The following MAP3K7 variants were observed in gnomAD, a reference collection of about 807,000 sequenced individuals.
The protein encoded by MAP3K7 is TGF-beta activated kinase 1.
In MAP3K7, 21 loss-of-function variants were observed where a neutral mutation model predicts 84.8. The ratio of observed to expected loss-of-function variants is 0.25; its 90% confidence interval spans 0.18 to 0.36. The LOEUF (loss-of-function observed/expected upper bound fraction) is 0.36, where lower values mean the gene tolerates loss of function less well. Ranked by LOEUF, MAP3K7 falls within the 10% of genes least tolerant of loss-of-function variation. MAP3K7 has a pLI of 1.00. For synonymous variants in MAP3K7, 241 were observed against 247.7 expected (o/e 0.97, Z 0.25); for missense variants, 503 against 747.7 (o/e 0.67, Z 3.82).
intron 1 of MAP3K7, among the ~76,000 whole-genome samples, chr6:90,577,386 G>A (rs967814293): frequency 2.4e-4 from 36 of 152,334 alleles, no homozygotes; most frequent in African/African-American, 7.7e-4. Context: ...AGGTAGAAAC[G>A]TGAGTGAGAG....
intron 6 of MAP3K7, among the ~76,000 whole-genome samples, chr6:90,556,182 T>C (rs1776333998): frequency 6.6e-6 from 1 of 152,280 alleles, no homozygotes; most frequent in Non-Finnish European, 1.5e-5. Context: ...ATGAAAGCAC[T>C]GTCTGCAAAT....
At chr6:90,571,229 TCAATC>T (rs1776890855) in intron 2 of MAP3K7, among the ~76,000 whole-genome samples, 1 of 152,152 alleles carries the variant, frequency 6.6e-6, no homozygotes, top group Non-Finnish European at 1.5e-5. Flanking sequence ...CTTTCATCAT[TCAATC>T]TAATCTATTT....
At chr6:90,518,278 G>A (rs1775035737) in intron 16 of MAP3K7, among the ~76,000 whole-genome samples, 169 bp downstream of exon 16, 1 of 151,662 alleles carries the variant, frequency 6.6e-6, no homozygotes, top group Non-Finnish European at 1.5e-5. Flanking sequence ...ATAGTCAAAA[G>A]GATTGAGTTT....
rs972314569 is a variant in MAP3K7, at chr6:90,556,442, T to C, written c.607+58A>G. The C allele has an allele frequency of 1.9e-6, 3 of 1,559,418 alleles. No homozygotes were observed. In the Admixed American group the frequency reaches 5.9e-5, roughly 31 times the overall value. ...GAAATGGGGAAAATCTATAAAAACA[T>C]ATGAATTCACAAGGAGTGAGGGAGA... is the stretch of plus-strand genomic sequence containing the variant. On this transcript the variant is annotated intron_variant, in intron 6 of 16. Transcript: ENST00000369329.
intron 13 of MAP3K7, among the ~76,000 whole-genome samples, chr6:90,530,226 A>C (rs1775464112): frequency 6.6e-6 from 1 of 152,222 alleles, no homozygotes; most frequent in Non-Finnish European, 1.5e-5. Context: ...CATTTTAAAA[A>C]GAGAAACACA....
rs1398765066 is a variant in MAP3K7, at chr6:90,544,570, G to A, written c.1273C>T (p.Pro425Ser). ...ATGATACCTGATATGACGATCTCAGGGACATCCAGAATGTTGCCAAATGAA... is the reference window on the plus strand; with the variant it reads ...ATGATACCTGATATGACGATCTCAGAGACATCCAGAATGTTGCCAAATGAA... ...TASFGNILDV[P>S]EIVISGNGQP... Residue 425 changes from proline (P) to serine (S), a missense_variant, in exon 12 of 17, where the codon CCT becomes TCT. Coordinates refer to ENST00000369329, the MANE Select transcript of MAP3K7 (RefSeq NM_145331.3). 9 of 1,612,234 alleles carry A rather than the reference G, an allele frequency of 5.6e-6. No homozygotes were observed.
intron 13 of MAP3K7, among the ~76,000 whole-genome samples, chr6:90,528,315 A>G (rs931962685): frequency 1.3e-5 from 2 of 152,218 alleles, no homozygotes; most frequent in Non-Finnish European, 2.9e-5. Context: ...TCTAGCTTCA[A>G]CATATATACA....
At chr6:90,519,715 T>C (rs1775086042) in intron 14 of MAP3K7, among the ~76,000 whole-genome samples, 1 of 151,934 alleles carries the variant, frequency 6.6e-6, no homozygotes, top group Non-Finnish European at 1.5e-5. Context: ...TATAGAAGGC[T>C]ATATCAACTC....
In MAP3K7 at chr6:90,587,072, C is replaced by T; in HGVS notation, c.-189G>A. The T allele has an allele frequency of 1.7e-6, 1 of 588,046 alleles. No individual in the cohort carries two copies. The highest frequency in any genetic ancestry group is 2.7e-6 in the Non-Finnish European group (1 of 373,540). The allele number at this position is 588,046 out of a possible 1,614,324, so 36.4% of individuals were successfully genotyped here. A position where few individuals can be genotyped will look rare whatever the true frequency, so the allele number is the denominator to read the frequency against. ...GCTCTGGCTCCGCTGCGTTTTCCGC[C>T]GACGGGCCCCGCCCACTACACTTCC... On this transcript the variant is annotated 5_prime_UTR_variant, in exon 1 of 17. Coordinates refer to ENST00000369329, the MANE Select transcript of MAP3K7 (RefSeq NM_145331.3).
chr6:90,532,568 A>G (rs979574721), intron 13 of MAP3K7, among the ~76,000 whole-genome samples: 1 of 152,230 alleles, frequency 6.6e-6, no homozygotes, highest in Non-Finnish European at 1.5e-5. Context: ...CTAAATAATC[A>G]TAACTGTATC....
intron 13 of MAP3K7, among the ~76,000 whole-genome samples, chr6:90,524,935 T>C (rs945536438): frequency 2.6e-5 from 4 of 152,152 alleles, no homozygotes; most frequent in African/African-American, 9.7e-5. Context: ...CAAAGGTATT[T>C]ACTAAAAGTA....
chr6:90,535,583 A>G lies in MAP3K7; in HGVS notation c.1356+754T>C, dbSNP rs554882245. Among the ~76,000 whole-genome samples the G allele has an allele frequency of 2.0e-5, 3 of 152,148 alleles. No homozygotes were observed. In the South Asian group the frequency reaches 6.2e-4, roughly 32 times the overall value. ...TTCATTTTACAGAATATAGTATATAATAAATTATATATGTCAAGTGTATTA... is the reference window on the plus strand; with the variant it reads ...TTCATTTTACAGAATATAGTATATAGTAAATTATATATGTCAAGTGTATTA... On this transcript the variant is annotated intron_variant, in intron 13 of 16. Transcript: ENST00000369329.
chr6:90,574,793 T>C (rs1483006446), intron 1 of MAP3K7, among the ~76,000 whole-genome samples: 3 of 152,294 alleles, frequency 2.0e-5, no homozygotes, highest in East Asian at 1.9e-4. Flanking sequence ...CTTAAAGCCA[T>C]GGGAACAAAA....
intron 10 of MAP3K7, 48 bp from the exon 11 acceptor site, chr6:90,547,435 A>T (rs759127532): frequency 1.3e-6 from 2 of 1,596,272 alleles, no homozygotes; most frequent in Non-Finnish European, 1.7e-6. Context: ...CTTTAGATTT[A>T]GCAATCTTAG....
At chr6:90,543,019 C>T (rs1775900329) in intron 12 of MAP3K7, among the ~76,000 whole-genome samples, 1 of 152,056 alleles carries the variant, frequency 6.6e-6, no homozygotes, top group South Asian at 2.1e-4. Flanking sequence ...AATGCTTAGT[C>T]ATAAGATTAC....
At chr6:90,530,861 T>C (rs927402934) in intron 13 of MAP3K7, among the ~76,000 whole-genome samples, 1 of 152,290 alleles carries the variant, frequency 6.6e-6, no homozygotes, top group Non-Finnish European at 1.5e-5. Flanking sequence ...ACTGAAGAAG[T>C]TTTTACAGTA....
At chr6:90,578,270 T>C (rs1777151609) in intron 1 of MAP3K7, among the ~76,000 whole-genome samples, 1 of 152,106 alleles carries the variant, frequency 6.6e-6, no homozygotes, top group African/African-American at 2.4e-5. Flanking sequence ...GTTTGTTTTG[T>C]TTTGTTTTGT....
At chr6:90,573,517 C>T (rs1776974160) in intron 1 of MAP3K7, among the ~76,000 whole-genome samples, 1 of 152,174 alleles carries the variant, frequency 6.6e-6, no homozygotes. Flanking sequence ...GCAGAATGAA[C>T]ATTTACCATG....
At chr6:90,574,903 G>A (rs549248742) in intron 1 of MAP3K7, among the ~76,000 whole-genome samples, 1 of 152,280 alleles carries the variant, frequency 6.6e-6, no homozygotes, top group South Asian at 2.1e-4. Context: ...CCTGTAAGAT[G>A]AGCCCATGGG....
Sources: gnomAD v4.1 joint callset for allele counts (sites outside exome capture counted in the v4.1 genomes callset) on GRCh38, gnomAD v4.1.1 for gene constraint, MANE v1.5 for transcripts, NCBI Gene and HGNC (gene_info 2026-07-23, HGNC 2026-07-21) for gene names.